Variants in MBD3 observed in about 807,000 individuals in gnomAD.
The protein encoded by MBD3 is methyl-CpG binding domain protein 3.
MBD3 carries 13 observed loss-of-function variants against 31.2 expected under a neutral mutation model. That is an observed-to-expected ratio of 0.42 (90% CI 0.27 to 0.66). The LOEUF (loss-of-function observed/expected upper bound fraction) is 0.66. Among genes scored for constraint, MBD3 ranks in the 30% least tolerant of loss-of-function variants. MBD3 has a pLI of 0.26. For synonymous variants in MBD3, 223 were observed against 187.4 expected (o/e 1.19, Z -1.55); for missense variants, 440 against 426.5 (o/e 1.03, Z -0.28).
intron 1 of MBD3, 30 bp downstream of exon 1, chr19:1,592,492 A>C (rs1290316393): frequency 4.8e-6 from 6 of 1,257,194 alleles, no homozygotes; most frequent in African/African-American, 1.6e-5. Context: ...GAGCCCGTTG[A>C]GGCCCTGCGC....
Position 1,584,757 on chromosome 19 carries a change from CCCCCTGCTTTGCCGGCGCCCCTCGTGT to C in MBD3, c.271-107_271-81del, listed in dbSNP as rs1458735809. On this transcript the variant is annotated intron_variant, in intron 2 of 6. Coordinates refer to ENST00000434436, the MANE Select transcript of MBD3 (RefSeq NM_001281453.2). The stretch of plus-strand genomic sequence containing the variant: ...CTCAGGGGGTGCGGGGCCCGGGTGA[CCCCCTGCTTTGCCGGCGCCCCTCGTGT>C]CCCCCGCGCCCGCCAGGACCCCCAC... 65 of 1,447,498 alleles carry C rather than the reference CCCCCTGCTTTGCCGGCGCCCCTCGTGT, an allele frequency of 4.5e-5. 1 individual carries two copies. The highest frequency in any genetic ancestry group is 5.7e-5 in the Non-Finnish European group (61 of 1,073,582). 89.7% of individuals were successfully genotyped at this position (1,447,498 alleles called of 1,614,324 possible). A position where few individuals can be genotyped will look rare whatever the true frequency, so the allele number is the denominator to read the frequency against.
intron 1 of MBD3, among the ~76,000 whole-genome samples, chr19:1,589,543 C>G (rs1357049346): frequency 6.6e-6 from 1 of 151,558 alleles, no homozygotes; most frequent in Admixed American, 6.6e-5. Context: ...ATCCCAGCTA[C>G]TCAGGAGTCT....
chr19:1,578,336 T>G lies in MBD3; in HGVS notation c.*4A>C. ...GGAGCCCCCGTGGCCCCGCAGCACC[T>G]GCCCTAGACGTGCTCCATCTCCGGG... On this transcript the variant is annotated splice_region_variant and 3_prime_UTR_variant, in exon 6 of 7. Transcript: ENST00000434436. The surrounding 1 kb of genome is among the most constrained non-coding windows in gnomAD (Gnocchi z 6.1). The G allele has an allele frequency of 6.2e-7, 1 of 1,602,718 alleles. No individual in the cohort carries two copies. The highest frequency in any genetic ancestry group is 8.5e-7 in the Non-Finnish European group (1 of 1,179,758).
intron 4 of MBD3, among the ~76,000 whole-genome samples, chr19:1,582,052 C>T (rs1474095558): frequency 6.6e-6 from 1 of 152,138 alleles, no homozygotes; most frequent in Non-Finnish European, 1.5e-5. Flanking sequence ...CAGGCGTGAG[C>T]CACTGCACCT....
intron 1 of MBD3, among the ~76,000 whole-genome samples, chr19:1,590,297 CA>C (rs531012004): frequency 4.7e-5 from 7 of 149,548 alleles, no homozygotes; most frequent in Non-Finnish European, 8.9e-5. Flanking sequence ...ACTCCATCTC[CA>C]AAAAAAAACC....
intron 1 of MBD3, 28 bp downstream of exon 1, chr19:1,592,494 G>T (rs1381970659): frequency 1.6e-6 from 2 of 1,275,270 alleles, no homozygotes; most frequent in Non-Finnish European, 2.1e-6. Flanking sequence ...GCCCGTTGAG[G>T]CCCTGCGCGG....
chr19:1,588,374 C>G (rs1273170329), intron 1 of MBD3, among the ~76,000 whole-genome samples: 1 of 152,182 alleles, frequency 6.6e-6, no homozygotes, highest in Non-Finnish European at 1.5e-5. Context: ...AAACCAGAGG[C>G]TGAGACTCAG....
Position 1,575,509 on chromosome 19 carries a change from G to A in MBD3, c.*2655C>T, listed in dbSNP as rs1239945130. The A allele has an allele frequency of 1.3e-5, 3 of 235,524 alleles. No homozygotes were observed. Among genetic ancestry groups the A allele is most frequent in the African/African-American group, 7.0e-5 (3 of 42,838 alleles). 14.6% of individuals were successfully genotyped at this position (235,524 alleles called of 1,614,324 possible). On this transcript the variant is annotated 3_prime_UTR_variant, in exon 7 of 7. Coordinates refer to ENST00000434436, the MANE Select transcript of MBD3 (RefSeq NM_001281453.2). Reference sequence around the variant, plus strand: ...GAGGATGGGGCCAGGCACCGCACAGGGCAGGCTGGTCATGAGGCCCCCACG... The same window carrying A: ...GAGGATGGGGCCAGGCACCGCACAGAGCAGGCTGGTCATGAGGCCCCCACG...
rs1411951272 is a variant in MBD3 at position 1,575,289 on chromosome 19, G to T, written c.*2875C>A. The stretch of plus-strand genomic sequence containing the variant: ...TATTAAAAATACAAAAATTAGCTGG[G>T]CGTGGTGGCTACTCGGGAGGCTGAG... On this transcript the variant is annotated 3_prime_UTR_variant, in exon 7 of 7. Transcript: ENST00000434436. 2 of 441,798 alleles carry T rather than the reference G, an allele frequency of 4.5e-6. No homozygotes were observed. The highest frequency in any genetic ancestry group is 4.8e-5 in the Admixed American group (2 of 42,046). The allele number at this position is 441,798 out of a possible 1,614,324, so 27.4% of individuals were successfully genotyped here. A position where few individuals can be genotyped will look rare whatever the true frequency, so the allele number is the denominator to read the frequency against.
chr19:1,582,819 G>A, intron 3 of MBD3, 107 bp from the exon 4 acceptor site: 1 of 922,424 alleles, frequency 1.1e-6, no homozygotes, highest in East Asian at 2.6e-5. Context: ...CCCCATGTGG[G>A]TCCCAATGGG....
At chr19:1,584,330 C>T (rs934748188) in intron 3 of MBD3, among the ~76,000 whole-genome samples, 1 of 152,190 alleles carries the variant, frequency 6.6e-6, no homozygotes, top group African/African-American at 2.4e-5. Flanking sequence ...AATCCTCCCA[C>T]CTCAGCCTCC....
In MBD3 at chr19:1,584,680, G is replaced by A; in HGVS notation, c.271-3C>T. ...GCCGTGTTCAGGTCGGGCTTGCCCT[G>A]CGGGAGGAAGGATATGCAGTCCGGC... On this transcript the variant is annotated splice_region_variant and splice_polypyrimidine_tract_variant and intron_variant, in intron 2 of 6. Coordinates refer to ENST00000434436, the MANE Select transcript of MBD3 (RefSeq NM_001281453.2). The A allele has an allele frequency of 1.2e-6, 2 of 1,610,530 alleles. No homozygotes were observed. Among genetic ancestry groups the A allele is most frequent in the South Asian group, 2.2e-5 (2 of 91,078 alleles).
Position 1,575,405 on chromosome 19 carries a change from C to CT in MBD3, c.*2758dup. 1 of 318,078 alleles carries CT rather than the reference C, an allele frequency of 3.1e-6. No individual in the cohort carries two copies. 19.7% of individuals were successfully genotyped at this position (318,078 alleles called of 1,614,324 possible). Reference sequence around the variant, plus strand: ...ACAAGAGCGAAAGAAGAGCGAAACTCTTGTCTAAAAAAAAAAAAAGTCCCA... The same window carrying CT: ...ACAAGAGCGAAAGAAGAGCGAAACTCTTTGTCTAAAAAAAAAAAAAGTCCCA... On this transcript the variant is annotated 3_prime_UTR_variant, in exon 7 of 7. Coordinates refer to ENST00000434436, the MANE Select transcript of MBD3 (RefSeq NM_001281453.2).
At chr19:1,579,655 G>C (rs984302929) in intron 5 of MBD3, among the ~76,000 whole-genome samples, 1 of 151,986 alleles carries the variant, frequency 6.6e-6, no homozygotes, top group African/African-American at 2.4e-5. Flanking sequence ...CCACCACCCG[G>C]AACACCCTGG....
intron 4 of MBD3, chr19:1,581,734 C>G (rs1000069712): frequency 7.9e-6 from 2 of 251,630 alleles, no homozygotes; most frequent in Non-Finnish European, 1.6e-5. Flanking sequence ...CACGGAGAGG[C>G]TGCCTTTTGT....
rs1212950666 is a variant in MBD3, at chr19:1,578,940, T to C, written c.678-402A>G. On this transcript the variant is annotated intron_variant, in intron 5 of 6. Coordinates refer to ENST00000434436, the MANE Select transcript of MBD3 (RefSeq NM_001281453.2). The surrounding 1 kb of genome is among the most constrained non-coding windows in gnomAD (Gnocchi z 6.1). Reference sequence around the variant, plus strand: ...GGCTCATGCCTGTAATCCCAGCACTTTGGGAGGCCGAGGTGGGCAGATCAC... The same window carrying C: ...GGCTCATGCCTGTAATCCCAGCACTCTGGGAGGCCGAGGTGGGCAGATCAC... Among the ~76,000 whole-genome samples, 2 of 151,726 alleles carry C rather than the reference T, an allele frequency of 1.3e-5. No homozygotes were observed. The highest frequency in any genetic ancestry group is 6.6e-5 in the Admixed American group (1 of 15,240).
chr19:1,582,794 C>T, intron 3 of MBD3, 82 bp from the exon 4 acceptor site: 3 of 1,260,678 alleles, frequency 2.4e-6, no homozygotes, highest in Non-Finnish European at 3.4e-6. Flanking sequence ...CAGGGAGGCC[C>T]ACCTGGCCTC....
In MBD3 at chr19:1,585,168, G is replaced by A; in HGVS notation, c.157C>T (p.Leu53=). ...FRSKPQLARY[L]GGSMDLSTFD... ...GTGCTCAGGTCCATGGAGCCGCCCA[G>A]GTAGCGCGCCAGCTGCGGCTTGCTG... The change falls in exon 2 of 7, where the codon CTG becomes TTG. Residue 53 remains leucine, a synonymous_variant. Coordinates refer to ENST00000434436, the MANE Select transcript of MBD3 (RefSeq NM_001281453.2). The surrounding 1 kb of genome is among the most constrained non-coding windows in gnomAD (Gnocchi z 4.1). The A allele has an allele frequency of 6.2e-7, 1 of 1,608,862 alleles. No individual in the cohort carries two copies. Among genetic ancestry groups the A allele is most frequent in the Non-Finnish European group, 8.5e-7 (1 of 1,179,332 alleles).
chr19:1,582,277 A>G (rs569564797), intron 4 of MBD3, among the ~76,000 whole-genome samples: 56 of 152,124 alleles, frequency 3.7e-4, no homozygotes, highest in Non-Finnish European at 7.4e-4. Flanking sequence ...ACGTGCTGGG[A>G]GAGTACAGAA....
Sources: gnomAD v4.1 joint callset for allele counts (sites outside exome capture counted in the v4.1 genomes callset) on GRCh38, gnomAD v4.1.1 for gene constraint, Gnocchi (gnomAD v3.1) non-coding constraint, MANE v1.5 for transcripts, NCBI Gene and HGNC (gene_info 2026-07-23, HGNC 2026-07-21) for gene names.